Variants in ATM observed in about 807,000 individuals in gnomAD.
ATM encodes serine-protein kinase ATM.
ATM carries 308 observed loss-of-function variants against 387.0 expected under a neutral mutation model. The observed-to-expected ratio is 0.80, with a 90% confidence interval of 0.73 to 0.87. The LOEUF (loss-of-function observed/expected upper bound fraction) is 0.87. Among genes scored for constraint, ATM ranks in the 40% least tolerant of loss-of-function variants. The pLI, the probability that ATM is intolerant of heterozygous loss-of-function variation, is 0.00. For synonymous variants in ATM, 1,156 were observed against 1,187.3 expected (o/e 0.97, Z 0.54); for missense variants, 3,312 against 3,560.9 (o/e 0.93, Z 1.78).
intron 56 of ATM, among the ~76,000 whole-genome samples, chr11:108,342,017 C>G (rs984753370): frequency 2.6e-5 from 4 of 152,192 alleles, no homozygotes; most frequent in African/African-American, 9.7e-5. Flanking sequence ...AGGCCACATG[C>G]AGCCTACAGG....
At chr11:108,266,522 T>C (rs2081252539) in intron 16 of ATM, among the ~76,000 whole-genome samples, 2 of 146,700 alleles carry the variant, frequency 1.4e-5, no homozygotes. Context: ...CATTGGGAGA[T>C]ATACCTAATG....
intron 16 of ATM, among the ~76,000 whole-genome samples, chr11:108,265,322 A>G (rs1283948465): frequency 6.6e-6 from 1 of 152,122 alleles, no homozygotes; most frequent in Non-Finnish European, 1.5e-5. Flanking sequence ...CCTCAGAAAT[A>G]ACGCTGCATA....
intron 61 of ATM, among the ~76,000 whole-genome samples, chr11:108,363,063 C>G (rs538493728): frequency 6.6e-6 from 1 of 152,214 alleles, no homozygotes; most frequent in African/African-American, 2.4e-5. Context: ...TAAATCTGTC[C>G]GAATTTCCCC....
At chr11:108,289,856 GT>G (rs1325132185) in intron 29 of ATM, 55 bp downstream of exon 29, 8 of 1,538,496 alleles carry the variant, frequency 5.2e-6, no homozygotes, top group Admixed American at 1.8e-5. Flanking sequence ...TGTTCTTCCT[GT>G]TTTTTTGCTT....
chr11:108,272,384 G>A, intron 20 of ATM, 148 bp from the exon 21 acceptor site: 2 of 693,474 alleles, frequency 2.9e-6, no homozygotes, highest in Non-Finnish European at 5.0e-6. Flanking sequence ...TTTTGGCAAG[G>A]TGAGTATGTT....
intron 16 of ATM, among the ~76,000 whole-genome samples, chr11:108,259,768 C>T (rs1206201121): frequency 6.6e-6 from 1 of 152,120 alleles, no homozygotes; most frequent in Non-Finnish European, 1.5e-5. Flanking sequence ...ATTTATTTTT[C>T]TTCCATACAA....
chr11:108,280,700 A>G (rs917371348), intron 23 of ATM, among the ~76,000 whole-genome samples: 2 of 152,206 alleles, frequency 1.3e-5, no homozygotes, highest in Admixed American at 1.3e-4. Flanking sequence ...GGTTCTGAGT[A>G]AAGTAAAAGA....
chr11:108,335,828 G>A lies in ATM; in HGVS notation c.8152-17G>A, dbSNP rs368924012. 2.4e-5 allele frequency: 38 copies of A among 1,595,128 alleles called. No homozygotes were observed. The highest frequency in any genetic ancestry group is 1.7e-4 in the Middle Eastern group (1 of 6,042). ...AAATAAACTGTACTTGTTTATTCATGCTTAATTATTCTGAAGGGCCGTGAT... is the reference window on the plus strand; with the variant it reads ...AAATAAACTGTACTTGTTTATTCATACTTAATTATTCTGAAGGGCCGTGAT... On this transcript the variant is annotated splice_polypyrimidine_tract_variant and intron_variant, in intron 55 of 62. Coordinates refer to ENST00000675843, the MANE Select transcript of ATM (RefSeq NM_000051.4).
chr11:108,355,043 A>G (rs925659978), intron 61 of ATM, 169 bp downstream of exon 61: 13 of 628,976 alleles, frequency 2.1e-5, no homozygotes, highest in Admixed American at 1.1e-4. Flanking sequence ...ACATCCAAAA[A>G]TACTGGTTTA....
In ATM at chr11:108,251,997, G is replaced by C. The variant is rs876659283; in HGVS notation, c.1768G>C (p.Glu590Gln). The change falls in exon 11 of 63, where the codon GAA becomes CAA. Residue 590 changes from glutamate to glutamine, a missense_variant. Around this residue, in one of 4 missense-constraint regions of ATM, gnomAD observed 1,791 missense variants for 1,804.5 expected, o/e 0.99. Coordinates refer to ENST00000675843, the MANE Select transcript of ATM (RefSeq NM_000051.4). ...LLFYQLEGDL[E>Q]NSTEVPPILH... ...ATTCTATCAGTTAGAGGGTGACTTA[G>C]AAAATAGCACAGAAGTGCCTCCAAT... 6.2e-7 allele frequency: 1 copy of C among 1,613,174 alleles called. No homozygotes were observed. Among genetic ancestry groups the C allele is most frequent in the Non-Finnish European group, 8.5e-7 (1 of 1,179,728 alleles).
In ATM at chr11:108,273,331, C is replaced by CTTTTTTTTTTTTTTTT. The variant is rs563140198; in HGVS notation, c.3284+491_3284+506dup. Among the ~76,000 whole-genome samples the CTTTTTTTTTTTTTTTT allele has an allele frequency of 1.2e-3, 99 of 80,660 alleles. 11 individuals carry two copies. Among genetic ancestry groups the CTTTTTTTTTTTTTTTT allele is most frequent in the African/African-American group, 5.4e-3 (95 of 17,520 alleles). 52.9% of individuals were successfully genotyped at this position (80,660 alleles called of 152,430 possible). On this transcript the variant is annotated intron_variant, in intron 22 of 62. Coordinates refer to ENST00000675843, the MANE Select transcript of ATM (RefSeq NM_000051.4). ...GGAATAAACATATATTAATTTCATT[C>CTTTTTTTTTTTTTTTT]TTTTTTTTTTTTTTTTTTTTTTTTT...
intron 61 of ATM, among the ~76,000 whole-genome samples, chr11:108,364,050 G>GT (rs761707059): frequency 7.9e-5 from 12 of 152,108 alleles, no homozygotes; most frequent in Non-Finnish European, 1.2e-4. Context: ...ATCAAGCTCA[G>GT]TTTCTCCACA....
intron 61 of ATM, among the ~76,000 whole-genome samples, chr11:108,363,563 T>TG: frequency 6.6e-6 from 1 of 152,184 alleles, no homozygotes; most frequent in Non-Finnish European, 1.5e-5. Flanking sequence ...GAGGATAGTA[T>TG]TGGCATCTAC....
intron 40 of ATM, among the ~76,000 whole-genome samples, chr11:108,314,702 A>G (rs1025628476): frequency 6.6e-6 from 1 of 152,142 alleles, no homozygotes; most frequent in Non-Finnish European, 1.5e-5. Flanking sequence ...AAAGTTAACT[A>G]CTAATAGTCT....
rs1565375244 is a variant in ATM at position 108,247,036 on chromosome 11, A to T, written c.974A>T (p.His325Leu). The T allele has an allele frequency of 1.2e-6, 2 of 1,613,628 alleles. No homozygotes were observed. The highest frequency in any genetic ancestry group is 1.7e-6 in the Non-Finnish European group (2 of 1,179,618). The stretch of plus-strand genomic sequence containing the variant: ...GATCTGCTAGTGAATGAGATAAGTC[A>T]TATAGGAAGTAGAGGAAAGTATTCT... The part of the protein sequence containing the change: ...LYDLLVNEIS[H>L]IGSRGKYSSG... The change falls in exon 8 of 63, where the codon CAT (histidine) becomes CTT (leucine). Residue 325 changes from histidine to leucine, a missense_variant. Transcript: ENST00000675843.
chr11:108,359,035 T>C (rs1318316267), intron 61 of ATM, among the ~76,000 whole-genome samples: 1 of 150,230 alleles, frequency 6.7e-6, no homozygotes, highest in Non-Finnish European at 1.5e-5. Flanking sequence ...ATCAGTGTGC[T>C]GTATTCAGGA....
At position 108,258,973 on chromosome 11, in the gene ATM, G is replaced by C. The variant is rs1296989358; in HGVS notation, c.2377-13G>C. 1 of 1,603,954 alleles carries C rather than the reference G, an allele frequency of 6.2e-7. No individual in the cohort carries two copies. The highest frequency in any genetic ancestry group is 1.3e-5 in the African/African-American group (1 of 74,686). ...TTCTTTGTTGCTTGGTTCTTTGTTT[G>C]TCTTAATTGCAGAAGAGTCCAAATA... On this transcript the variant is annotated splice_polypyrimidine_tract_variant and intron_variant, in intron 15 of 62. Transcript: ENST00000675843.
chr11:108,242,470 T>C (rs949490400), intron 5 of ATM, among the ~76,000 whole-genome samples: 5 of 152,224 alleles, frequency 3.3e-5, no homozygotes, highest in Middle Eastern at 3.4e-3. Flanking sequence ...ATAAAAGGCA[T>C]ACAGATTGGA....
chr11:108,324,804 A>C (rs1265823387), intron 45 of ATM, among the ~76,000 whole-genome samples: 1 of 152,192 alleles, frequency 6.6e-6, no homozygotes, highest in East Asian at 1.9e-4. Context: ...TTCCTTTAAT[A>C]ATGTTGGTAA....
Sources: allele counts gnomAD v4.1 joint callset (sites outside exome capture counted in the v4.1 genomes callset), GRCh38; gene constraint gnomAD v4.1.1; regional missense constraint gnomAD v4.1.1; transcripts MANE v1.5; gene names NCBI Gene and HGNC (gene_info 2026-07-23, HGNC 2026-07-21).